Variants in RGS6 observed in about 807,000 individuals in gnomAD.
RGS6 encodes regulator of G-protein signaling 6.
Under a neutral mutation model 78.5 loss-of-function variants are expected in RGS6, and 30 were observed. That is an observed-to-expected ratio of 0.38 (90% confidence interval 0.29 to 0.52). The LOEUF (loss-of-function observed/expected upper bound fraction) is 0.52. Ranked by LOEUF, RGS6 falls within the 20% of genes least tolerant of loss-of-function variation. The probability of loss-of-function intolerance (pLI) is 0.85; values close to 1 mark genes in which losing one functional copy is unlikely to be tolerated. For synonymous variants in RGS6, 206 were observed against 206.0 expected, an observed-to-expected ratio of 1.00 and a Z score of 0.00; for missense variants, 495 against 609.7, an observed-to-expected ratio of 0.81 and a Z score of 1.98.
chr14:72,477,169 T>C (rs2096260289), intron 11 of RGS6: 2 of 268,974 alleles, frequency 7.4e-6, no homozygotes, highest in Admixed American at 1.0e-4. Context: ...ACAGTCCTTA[T>C]AATTGGAATG....
At chr14:72,575,983 G>A in the RGS6 span, among the ~76,000 whole-genome samples, 2 of 152,180 alleles carry the variant, frequency 1.3e-5, no homozygotes, top group Non-Finnish European at 2.9e-5. Flanking sequence ...AGAGGCTCCC[G>A]TTCCTGTCTT....
chr14:71,997,229 C>G (rs190148581), intron 2 of RGS6, among the ~76,000 whole-genome samples: 1 of 151,810 alleles, frequency 6.6e-6, no homozygotes, highest in East Asian at 1.9e-4. Flanking sequence ...CTCAGGCCTC[C>G]AGGGGATGTG....
intron 2 of RGS6, among the ~76,000 whole-genome samples, chr14:72,164,120 T>C (rs2096891892): frequency 6.6e-6 from 1 of 152,170 alleles, no homozygotes; most frequent in South Asian, 2.1e-4. Flanking sequence ...TAACCTGCCC[T>C]CTACCAGTCT....
chr14:71,965,624 A>T (rs1218175686), intron 2 of RGS6, among the ~76,000 whole-genome samples: 1 of 152,220 alleles, frequency 6.6e-6, no homozygotes, highest in African/African-American at 2.4e-5. Flanking sequence ...CTGGAGCCAG[A>T]TGTTAGTGTT....
the RGS6 span, among the ~76,000 whole-genome samples, chr14:72,619,016 A>G: frequency 1.3e-5 from 2 of 152,210 alleles, no homozygotes; most frequent in Non-Finnish European, 2.9e-5. Context: ...GTGCTAGGGT[A>G]AAAGTGAGAG....
intron 3 of RGS6, among the ~76,000 whole-genome samples, chr14:72,447,551 C>G (rs954011017): frequency 6.6e-6 from 1 of 152,176 alleles, no homozygotes; most frequent in East Asian, 1.9e-4. Context: ...ACGCAGATGA[C>G]TGGGTTAGAC....
chr14:72,000,053 C>G (rs1182227700), intron 2 of RGS6, among the ~76,000 whole-genome samples: 1 of 152,032 alleles, frequency 6.6e-6, no homozygotes, highest in African/African-American at 2.4e-5. Flanking sequence ...CAGGGAGAAC[C>G]TTAGATAGTA....
At chr14:72,489,326 G>GTC (rs1211659719) in intron 12 of RGS6, among the ~76,000 whole-genome samples, 1 of 152,206 alleles carries the variant, frequency 6.6e-6, no homozygotes, top group Non-Finnish European at 1.5e-5. Context: ...CTGCTGGCTT[G>GTC]TCTTTGTGCT....
intron 13 of RGS6, among the ~76,000 whole-genome samples, chr14:72,501,328 A>G (rs2096722606): frequency 1.3e-5 from 2 of 152,176 alleles, no homozygotes; most frequent in African/African-American, 4.8e-5. Flanking sequence ...ATTGTGCTTT[A>G]ATTCTTTCTC....
At chr14:71,877,423 A>C in the RGS6 span, among the ~76,000 whole-genome samples, 1 of 152,110 alleles carries the variant, frequency 6.6e-6, no homozygotes, top group Non-Finnish European at 1.5e-5. Flanking sequence ...CATTTCATTC[A>C]TTTGATCTTC....
intron 2 of RGS6, among the ~76,000 whole-genome samples, chr14:72,036,366 A>G (rs1424785754): frequency 6.6e-6 from 1 of 151,926 alleles, no homozygotes; most frequent in Non-Finnish European, 1.5e-5. Flanking sequence ...AATCATTCTT[A>G]TACAGGTTTT....
At chr14:72,165,680 A>T (rs1040497353) in intron 2 of RGS6, among the ~76,000 whole-genome samples, 1 of 152,240 alleles carries the variant, frequency 6.6e-6, no homozygotes, top group African/African-American at 2.4e-5. Flanking sequence ...TGCTGAAAAG[A>T]ACAAATGTGT....
intron 2 of RGS6, among the ~76,000 whole-genome samples, chr14:72,087,292 G>A (rs1462439469): frequency 2.6e-5 from 4 of 151,902 alleles, no homozygotes; most frequent in African/African-American, 4.8e-5. Context: ...TACCATGCCC[G>A]GCTAATTTTT....
the RGS6 span, among the ~76,000 whole-genome samples, chr14:72,599,072 T>C: frequency 6.6e-6 from 1 of 152,236 alleles, no homozygotes; most frequent in Non-Finnish European, 1.5e-5. Flanking sequence ...GATTCTCTAT[T>C]ACCCTAAGCA....
intron 1 of RGS6, among the ~76,000 whole-genome samples, chr14:71,944,757 A>G (rs1174750544): frequency 6.6e-6 from 1 of 152,202 alleles, no homozygotes; most frequent in Non-Finnish European, 1.5e-5. Context: ...GTCACGTGTC[A>G]CTTAATGACC....
intron 2 of RGS6, among the ~76,000 whole-genome samples, chr14:72,231,115 G>C (rs547579794): frequency 1.1e-4 from 16 of 152,136 alleles, no homozygotes; most frequent in Non-Finnish European, 2.1e-4. Flanking sequence ...AGATCTTGAC[G>C]TTGCTGTCGA....
chr14:72,606,940 A>G, the RGS6 span, among the ~76,000 whole-genome samples: 1 of 152,190 alleles, frequency 6.6e-6, no homozygotes, highest in Non-Finnish European at 1.5e-5. Context: ...AGGTCCTTAC[A>G]AGAAGCAGAT....
At chr14:72,131,056 G>A (rs968317606) in intron 2 of RGS6, among the ~76,000 whole-genome samples, 2 of 152,190 alleles carry the variant, frequency 1.3e-5, no homozygotes, top group Admixed American at 6.5e-5. Context: ...TGTCTCCATC[G>A]TTGCCTTGCC....
chr14:72,253,494 A>C (rs564293953), intron 2 of RGS6, among the ~76,000 whole-genome samples: 1 of 152,252 alleles, frequency 6.6e-6, no homozygotes, highest in Non-Finnish European at 1.5e-5. Flanking sequence ...TAGCTACTCA[A>C]TTCTATGGCA....
Sources: gnomAD v4.1 joint callset for allele counts (sites outside exome capture counted in the v4.1 genomes callset) on GRCh38, gnomAD v4.1.1 for gene constraint, MANE v1.5 for transcripts, NCBI Gene and HGNC (gene_info 2026-07-23, HGNC 2026-07-21) for gene names.